Variants in CHD4 observed in about 807,000 individuals in gnomAD.
CHD4 encodes ATP-dependent chromatin remodeler CHD4.
CHD4 carries 35 observed loss-of-function variants against 235.5 expected under a neutral mutation model. The observed-to-expected ratio is 0.15, with a 90% CI of 0.11 to 0.20. CHD4 has a LOEUF of 0.20. Among genes scored for constraint, CHD4 ranks in the 10% least tolerant of loss-of-function variants. The pLI is 1.00. For missense variants in CHD4, 1,329 were observed against 2,432.3 expected, an observed-to-expected ratio of 0.55 and a Z score of 9.54; for synonymous variants, 900 against 850.2, an observed-to-expected ratio of 1.06 and a Z score of -1.02.
At chr12:6,602,810 G>T (rs1948621518) in intron 2 of CHD4, 2 of 233,790 alleles carry the variant, frequency 8.6e-6, no homozygotes, top group Non-Finnish European at 8.3e-6. Flanking sequence ...GAGCTGCTCA[G>T]AGTTCACCAA....
Position 6,583,365 on chromosome 12 carries a change from ACCT to A in CHD4, c.3890_3892del (p.Glu1297del). 1 of 1,609,664 alleles carries A rather than the reference ACCT, an allele frequency of 6.2e-7. No individual in the cohort carries two copies. Among genetic ancestry groups the A allele is most frequent in the Non-Finnish European group, 8.5e-7 (1 of 1,177,252 alleles). On this transcript the variant is annotated inframe_deletion, in exon 26 of 40. Transcript: ENST00000544040. ...TTCCTGTTTAATGATTTCCCGTTCT[ACCT>A]CCTCTTCCTCCTGGGACAGAGGGAG...
chr12:6,578,338 C>G, intron 35 of CHD4, 71 bp downstream of exon 35: 1 of 1,549,462 alleles, frequency 6.5e-7, no homozygotes, highest in Non-Finnish European at 8.8e-7. Flanking sequence ...GTCCCTGTAC[C>G]GTGGTTTCTG....
At chr12:6,603,237 G>C (rs1400870554) in intron 2 of CHD4, 2 of 152,586 alleles carry the variant, frequency 1.3e-5, no homozygotes, top group African/African-American at 4.8e-5. Flanking sequence ...CCTGGCTGGA[G>C]GCACACACAA....
rs1463497858 is a variant in CHD4 at position 6,603,969 on chromosome 12, C to T, written c.101-1472G>A. Among the ~76,000 whole-genome samples, 3 of 152,118 alleles carry T rather than the reference C, an allele frequency of 2.0e-5. No homozygotes were observed. The East Asian group carries it at 5.8e-4, about 29-fold the overall frequency. On this transcript the variant is annotated intron_variant, in intron 2 of 39. Coordinates refer to ENST00000544040, the MANE Select transcript of CHD4 (RefSeq NM_001273.5). ...TCTGCACAAAAAAACAGAGCAGGACCTAGACAGTGGTAGAAGAGAATATCC... is the reference window on the plus strand; with the variant it reads ...TCTGCACAAAAAAACAGAGCAGGACTTAGACAGTGGTAGAAGAGAATATCC...
chr12:6,593,307 C>T lies in CHD4; in HGVS notation c.2515-79G>A. The T allele has an allele frequency of 6.2e-7, 1 of 1,604,756 alleles. No individual in the cohort carries two copies. Among genetic ancestry groups the T allele is most frequent in the Non-Finnish European group, 8.5e-7 (1 of 1,172,828 alleles). ...ACCAGGAGACTGATGGAATGTTTTC[C>T]TCCTCCCAGGGTTACCCTTTTGCCT... On this transcript the variant is annotated intron_variant, in intron 16 of 39. Transcript: ENST00000544040. The surrounding 1 kb of genome is among the most constrained non-coding windows in gnomAD (Gnocchi z 4.9).
At chr12:6,599,660 T>C in intron 10 of CHD4, 113 bp downstream of exon 10, 1 of 1,340,570 alleles carries the variant, frequency 7.5e-7, no homozygotes, top group Non-Finnish European at 1.0e-6. Flanking sequence ...GAGAATACCT[T>C]TCTCAGGGCT....
At chr12:6,577,262 A>T (rs1356954864) in intron 37 of CHD4, among the ~76,000 whole-genome samples, 1 of 144,400 alleles carries the variant, frequency 6.9e-6, no homozygotes, top group African/African-American at 2.4e-5. Context: ...TCTACTAAAA[A>T]TCCAAAAAAA....
chr12:6,571,277 CTCT>C, intron 38 of CHD4: 4 of 455,186 alleles, frequency 8.8e-6, no homozygotes, highest in Non-Finnish European at 1.2e-5. Context: ...ATTGTATTTC[CTCT>C]TCTTGAGCTT....
At chr12:6,600,455 G>A (rs192978513) in intron 8 of CHD4, 60 bp from the exon 9 acceptor site, 36 of 499,122 alleles carry the variant, frequency 7.2e-5, no homozygotes, top group Non-Finnish European at 9.8e-5. Context: ...CCCACCCCCC[G>A]ACCCCTATCT....
rs986553225 is a variant in CHD4, at chr12:6,598,535, G to T, written c.1483-110C>A. On this transcript the variant is annotated intron_variant, in intron 10 of 39. Coordinates refer to ENST00000544040, the MANE Select transcript of CHD4 (RefSeq NM_001273.5). ...CGATTCAGATCTCATTTCAGACCTG[G>T]AGCAGTGGCTCATGCCTGAAATCCC... 1.1e-5 allele frequency: 10 copies of T among 939,290 alleles called. No individual in the cohort carries two copies. The African/African-American group carries it at 1.5e-4, about 14-fold the overall frequency. 58.2% of individuals were successfully genotyped at this position (939,290 alleles called of 1,614,324 possible).
At chr12:6,572,578 G>A (rs1004801951) in intron 38 of CHD4, among the ~76,000 whole-genome samples, 3 of 151,894 alleles carry the variant, frequency 2.0e-5, no homozygotes, top group Non-Finnish European at 2.9e-5. Context: ...TTTTTCTGGA[G>A]TCTCACTATG....
At position 6,583,574 on chromosome 12, in the gene CHD4, G is replaced by T. The variant is rs1948230595; in HGVS notation, c.3880-196C>A. On this transcript the variant is annotated intron_variant, in intron 25 of 39. Coordinates refer to ENST00000544040, the MANE Select transcript of CHD4 (RefSeq NM_001273.5). ...GCTCCTCATAATTACATATAGATTA[G>T]CAGTCAGCATAACTCAAGAAAAACA... The T allele has an allele frequency of 9.5e-6, 5 of 524,620 alleles. No homozygotes were observed. In the Admixed American group the frequency reaches 1.4e-4, roughly 15 times the overall value. The allele number at this position is 524,620 out of a possible 1,614,324, so 32.5% of individuals were successfully genotyped here.
chr12:6,583,027 C>T lies in CHD4; in HGVS notation c.4147G>A (p.Ala1383Thr), dbSNP rs141631228. 3 of 1,577,582 alleles carry T rather than the reference C, an allele frequency of 1.9e-6. No individual in the cohort carries two copies. Among genetic ancestry groups the T allele is most frequent in the South Asian group, 1.2e-5 (1 of 84,712 alleles). Residue 1383 changes from alanine (A) to threonine (T), a missense_variant and splice_region_variant, in exon 27 of 40, where the codon GCT (alanine) becomes ACT (threonine). Transcript: ENST00000544040. The stretch of plus-strand genomic sequence containing the variant: ...GCAACAAAAAAAGCACAGCCCTCAC[C>T]TTCTGAACGTTCATCAAAGTCTTCA... Reference protein sequence around the residue: ...GDEDFDERSEAPRRPSRKGLR... With the variant: ...GDEDFDERSETPRRPSRKGLR...
intron 29 of CHD4, among the ~76,000 whole-genome samples, 161 bp from the exon 30 acceptor site, chr12:6,582,442 G>C (rs979163590): frequency 2.0e-5 from 3 of 152,052 alleles, no homozygotes; most frequent in Non-Finnish European, 4.4e-5. Flanking sequence ...CCCACAAGAA[G>C]ACCCAGGTTC....
intron 4 of CHD4, 90 bp downstream of exon 4, chr12:6,601,870 A>G (rs1238606095): frequency 1.9e-6 from 3 of 1,568,016 alleles, no homozygotes; most frequent in Non-Finnish European, 2.6e-6. Flanking sequence ...GAGGAAAAGA[A>G]GAGAAAGTGT....
rs1258711803 is a variant in CHD4, at chr12:6,583,487, T to TA, written c.3880-110dup. 3 of 949,950 alleles carry TA rather than the reference T, an allele frequency of 3.2e-6. No homozygotes were observed. In the African/African-American group the frequency reaches 4.9e-5, roughly 16 times the overall value. 58.8% of individuals were successfully genotyped at this position (949,950 alleles called of 1,614,324 possible). ...TAGCTCCTTTTCATGACTGGACTCT[T>TA]AAATACTTGGTGTGCCTGTTTGGAC... On this transcript the variant is annotated intron_variant, in intron 25 of 39. Coordinates refer to ENST00000544040, the MANE Select transcript of CHD4 (RefSeq NM_001273.5).
In CHD4 at chr12:6,601,538, A is replaced by G; in HGVS notation, c.558-8T>C. On this transcript the variant is annotated splice_region_variant and splice_polypyrimidine_tract_variant and intron_variant, in intron 5 of 39. Coordinates refer to ENST00000544040, the MANE Select transcript of CHD4 (RefSeq NM_001273.5). Reference sequence around the variant, plus strand: ...TTGGCAGCAATGAGGGGTCTGGTGGAGAAATGCACAAGAGCAGAGGGAAAG... The same window carrying G: ...TTGGCAGCAATGAGGGGTCTGGTGGGGAAATGCACAAGAGCAGAGGGAAAG... 2 of 1,614,208 alleles carry G rather than the reference A, an allele frequency of 1.2e-6. No individual in the cohort carries two copies. The highest frequency in any genetic ancestry group is 2.2e-5 in the South Asian group (2 of 91,090).
intron 25 of CHD4, chr12:6,584,708 A>T (rs1362326629): frequency 6.6e-6 from 1 of 152,180 alleles, no homozygotes; most frequent in Non-Finnish European, 1.5e-5. Flanking sequence ...GAACTATGTA[A>T]ATTCTATCTA....
In CHD4 at chr12:6,601,282, A is replaced by G. The variant is rs776875937; in HGVS notation, c.799+7T>C. On this transcript the variant is annotated splice_region_variant and intron_variant, in intron 6 of 39. Coordinates refer to ENST00000544040, the MANE Select transcript of CHD4 (RefSeq NM_001273.5). ...ACACCCCCACTCCCATTTGAACCCC[A>G]TTTCACCTTTGCCCTCCTTGGTCTT... The G allele has an allele frequency of 5.5e-5, 89 of 1,612,376 alleles. No individual in the cohort carries two copies. The South Asian group carries it at 8.2e-4, about 15-fold the overall frequency.
Sources: gnomAD v4.1 joint callset for allele counts (sites outside exome capture counted in the v4.1 genomes callset) on GRCh38, gnomAD v4.1.1 for gene constraint, Gnocchi (gnomAD v3.1) non-coding constraint, MANE v1.5 for transcripts, NCBI Gene and HGNC (gene_info 2026-07-23, HGNC 2026-07-21) for gene names.